The following ASPH variants were observed in gnomAD, a reference collection of about 807,000 sequenced individuals.
ASPH encodes aspartate beta-hydroxylase, also known as aspartyl/asparaginyl beta-hydroxylase.
A neutral mutation model predicts 118.4 loss-of-function variants in ASPH; 100 were observed. The ratio of observed to expected loss-of-function variants is 0.84; its 90% confidence interval spans 0.72 to 1.00. The LOEUF is 1.00. Ranked by LOEUF, ASPH falls within the 50% of genes least tolerant of loss-of-function variation. ASPH has a pLI of 0.00. For missense variants in ASPH, 920 were observed against 919.5 expected, an observed-to-expected ratio of 1.00 and a Z score of -0.01; for synonymous variants, 315 against 325.6, an observed-to-expected ratio of 0.97 and a Z score of 0.35.
chr8:61,643,303 A>G, intron 9 of ASPH, 83 bp downstream of exon 9: 1 of 1,396,552 alleles, frequency 7.2e-7, no homozygotes, highest in South Asian at 1.3e-5. Flanking sequence ...TGCCTTTAAA[A>G]GAAAAATCAC....
At chr8:61,664,344 T>C (rs1479742534) in intron 3 of ASPH, 10 of 974,192 alleles carry the variant, frequency 1.0e-5, no homozygotes, top group Non-Finnish European at 1.2e-5. Context: ...AAGTGTGATA[T>C]AAAATGAAAG....
intron 5 of ASPH, among the ~76,000 whole-genome samples, chr8:61,649,687 CT>C (rs1370898068): frequency 3.4e-5 from 5 of 144,944 alleles, no homozygotes; most frequent in African/African-American, 5.0e-5. Context: ...AGGGTTCTTT[CT>C]ATTTCTCTCC....
chr8:61,574,686 C>T (rs1190247122), intron 16 of ASPH, among the ~76,000 whole-genome samples: 9 of 152,006 alleles, frequency 5.9e-5, no homozygotes, highest in Non-Finnish European at 1.0e-4. Flanking sequence ...CATCACACAC[C>T]GCGGCCTGTC....
chr8:61,625,605 A>G, intron 13 of ASPH: 1 of 981,148 alleles, frequency 1.0e-6, no homozygotes, highest in Non-Finnish European at 1.2e-6. Context: ...CATTTAAAAA[A>G]ATAAATAAAT....
intron 22 of ASPH, among the ~76,000 whole-genome samples, chr8:61,524,232 A>G (rs1256847308): frequency 6.6e-6 from 1 of 152,258 alleles, no homozygotes; most frequent in Non-Finnish European, 1.5e-5. Context: ...TAAAAATACC[A>G]TATATTACAG....
intron 17 of ASPH, among the ~76,000 whole-genome samples, chr8:61,566,333 A>G (rs10086644): frequency 0.81 from 123,038 of 152,144 alleles, 50,111 homozygotes; most frequent in Non-Finnish European, 0.85. Context: ...GATCCTAAAG[A>G]TGTGACTGAT....
chr8:61,684,216 T>C, intron 1 of ASPH, 28 bp from the exon 2 acceptor site: 2 of 1,587,548 alleles, frequency 1.3e-6, no homozygotes, highest in Non-Finnish European at 1.7e-6. Context: ...TAAGATATCA[T>C]AAGAAGAAAA....
intron 15 of ASPH, among the ~76,000 whole-genome samples, chr8:61,577,948 T>C (rs567045698): frequency 5.9e-5 from 9 of 152,176 alleles, no homozygotes; most frequent in African/African-American, 9.7e-5. Flanking sequence ...AACACAATCA[T>C]GCCTTTACAA....
chr8:61,539,699 G>GGTGTGTGTGTGCGTGTGT (rs1821063566), intron 21 of ASPH, among the ~76,000 whole-genome samples: 1 of 124,214 alleles, frequency 8.1e-6, no homozygotes, highest in South Asian at 3.0e-4. Flanking sequence ...ACACTTCTGG[G>GGTGTGTGTGTGCGTGTGT]GTGTGTGTGT....
At chr8:61,619,910 T>C (rs1428339945) in intron 13 of ASPH, among the ~76,000 whole-genome samples, 1 of 152,148 alleles carries the variant, frequency 6.6e-6, no homozygotes, top group Non-Finnish European at 1.5e-5. Flanking sequence ...TCTGGGAGAT[T>C]GATAAAAAAC....
At chr8:61,505,434 C>T (rs1233033672) in intron 24 of ASPH, among the ~76,000 whole-genome samples, 3 of 142,952 alleles carry the variant, frequency 2.1e-5, no homozygotes, top group Non-Finnish European at 3.0e-5. Flanking sequence ...GCAGAGGTTG[C>T]AGTGAGCTGA....
intron 16 of ASPH, among the ~76,000 whole-genome samples, chr8:61,575,712 T>TA (rs1312122091): frequency 1.3e-5 from 2 of 152,190 alleles, no homozygotes; most frequent in African/African-American, 4.8e-5. Context: ...TTTGACATCT[T>TA]AAAAAAACCT....
chr8:61,523,503 G>A (rs1814033394), intron 22 of ASPH, among the ~76,000 whole-genome samples: 1 of 151,724 alleles, frequency 6.6e-6, no homozygotes, highest in East Asian at 1.9e-4. Flanking sequence ...TTTTGGCAGA[G>A]ATGGGGTTTC....
intron 21 of ASPH, among the ~76,000 whole-genome samples, chr8:61,538,618 C>A (rs1027385209): frequency 6.6e-6 from 1 of 152,076 alleles, no homozygotes; most frequent in Non-Finnish European, 1.5e-5. Context: ...TTTGTCTAGG[C>A]GAAGTCATTC....
At chr8:61,601,357 A>G (rs1166727224) in intron 14 of ASPH, among the ~76,000 whole-genome samples, 3 of 151,174 alleles carry the variant, frequency 2.0e-5, no homozygotes, top group Non-Finnish European at 4.4e-5. Context: ...CCTGGCCAAC[A>G]TCGTGAAACC....
At chr8:61,610,395 T>C (rs553911591) in intron 14 of ASPH, among the ~76,000 whole-genome samples, 2 of 152,254 alleles carry the variant, frequency 1.3e-5, no homozygotes, top group Admixed American at 6.5e-5. Flanking sequence ...CTAAGACTGA[T>C]GATATATGCT....
At chr8:61,695,725 G>A (rs980723452) in intron 1 of ASPH, among the ~76,000 whole-genome samples, 12 of 152,232 alleles carry the variant, frequency 7.9e-5, no homozygotes, top group African/African-American at 2.2e-4. Context: ...AATCTGCCAC[G>A]TTCATTACTG....
At chr8:61,609,267 A>G (rs1846565259) in intron 14 of ASPH, among the ~76,000 whole-genome samples, 2 of 152,148 alleles carry the variant, frequency 1.3e-5, no homozygotes, top group African/African-American at 4.8e-5. Flanking sequence ...GCTTTCTGTT[A>G]GCAAACATCC....
At chr8:61,527,985 AC>A (rs999878963) in intron 21 of ASPH, among the ~76,000 whole-genome samples, 6 of 152,224 alleles carry the variant, frequency 3.9e-5, no homozygotes, top group African/African-American at 1.4e-4. Flanking sequence ...CCTCACCTTG[AC>A]ATGGCCTCTT....
Sources: allele counts gnomAD v4.1 joint callset (sites outside exome capture counted in the v4.1 genomes callset), GRCh38; gene constraint gnomAD v4.1.1; transcripts MANE v1.5; gene names NCBI Gene and HGNC (gene_info 2026-07-23, HGNC 2026-07-21).